Variants in WDR64 observed in about 807,000 individuals in gnomAD.
WDR64 encodes the protein WD repeat domain 64.
A neutral mutation model predicts 139.3 loss-of-function variants in WDR64; 112 were observed. That is an observed-to-expected ratio of 0.80 (90% CI 0.69 to 0.94). The LOEUF is 0.94. Among genes scored for constraint, WDR64 ranks in the 40% least tolerant of loss-of-function variants. WDR64 has a pLI of 0.00. For synonymous variants in WDR64, 444 were observed against 437.7 expected, an observed-to-expected ratio of 1.01 and a Z score of -0.18; for missense variants, 1,206 against 1,293.1, an observed-to-expected ratio of 0.93 and a Z score of 1.03.
chr1:241,738,266 A>G (rs1669399517), intron 10 of WDR64, 97 bp from the exon 11 acceptor site: 10 of 1,432,292 alleles, frequency 7.0e-6, no homozygotes, highest in South Asian at 1.4e-5. Flanking sequence ...GTATAAGTTT[A>G]TAAGAGTGTA....
At chr1:241,683,371 A>G (rs908336687) in intron 6 of WDR64, 116 bp from the exon 7 acceptor site, 2 of 889,442 alleles carry the variant, frequency 2.2e-6, no homozygotes. Flanking sequence ...ATCTTATAAG[A>G]TAGGTGTATC....
At chr1:241,759,967 T>C (rs150560289) in intron 15 of WDR64, among the ~76,000 whole-genome samples, 1 of 152,328 alleles carries the variant, frequency 6.6e-6, no homozygotes, top group East Asian at 1.9e-4. Context: ...CAGAAACATA[T>C]GGTATTTCTC....
chr1:241,771,793 C>A (rs1213624015), intron 19 of WDR64, 96 bp downstream of exon 19: 7 of 612,274 alleles, frequency 1.1e-5, no homozygotes, highest in Non-Finnish European at 1.4e-5. Context: ...ATATATATTC[C>A]TTAATATATA....
At chr1:241,698,100 T>G (rs1402959819) in intron 8 of WDR64, among the ~76,000 whole-genome samples, 1 of 152,204 alleles carries the variant, frequency 6.6e-6, no homozygotes, top group Non-Finnish European at 1.5e-5. Flanking sequence ...TTCTTCTTGC[T>G]CAATATCTGC....
At chr1:241,737,056 T>A (rs1669356390) in intron 10 of WDR64, among the ~76,000 whole-genome samples, 1 of 152,244 alleles carries the variant, frequency 6.6e-6, no homozygotes, top group Non-Finnish European at 1.5e-5. Flanking sequence ...TTTGTGTCTC[T>A]TCCTCTACTT....
At chr1:241,795,631 C>T (rs1482853885) in intron 26 of WDR64, among the ~76,000 whole-genome samples, 2 of 152,142 alleles carry the variant, frequency 1.3e-5, no homozygotes, top group Non-Finnish European at 2.9e-5. Flanking sequence ...TATATTCCAA[C>T]CACATGAAAT....
chr1:241,699,408 A>G (rs751390144), intron 8 of WDR64, among the ~76,000 whole-genome samples: 4 of 152,182 alleles, frequency 2.6e-5, no homozygotes, highest in Non-Finnish European at 5.9e-5. Flanking sequence ...AATTTAAGAC[A>G]CTGTACTAGG....
chr1:241,715,146 A>G (rs1668353882), intron 9 of WDR64, among the ~76,000 whole-genome samples: 1 of 152,182 alleles, frequency 6.6e-6, no homozygotes, highest in African/African-American at 2.4e-5. Flanking sequence ...AGTGTGTGGG[A>G]GTCATGGCTT....
intron 1 of WDR64, among the ~76,000 whole-genome samples, chr1:241,655,700 C>CTTTTCT (rs564002147): frequency 0.38 from 16,034 of 41,914 alleles, 1,823 homozygotes; most frequent in African/African-American, 0.49. Flanking sequence ...GCCTTTTTTT[C>CTTTTCT]TTTTCTTTTT....
At chr1:241,745,062 G>A (rs6429299) in intron 13 of WDR64, among the ~76,000 whole-genome samples, 22,637 of 152,064 alleles carry the variant, frequency 0.15, 1,875 homozygotes, top group African/African-American at 0.19. Context: ...TGTGCCTTAC[G>A]CTATGGAGCA....
intron 23 of WDR64, among the ~76,000 whole-genome samples, chr1:241,785,645 C>T (rs1659010994): frequency 6.6e-6 from 1 of 152,190 alleles, no homozygotes; most frequent in African/African-American, 2.4e-5. Flanking sequence ...GTTCAAAGTG[C>T]TTACATCTAT....
At chr1:241,788,340 C>T (rs1659115073) in intron 24 of WDR64, among the ~76,000 whole-genome samples, 1 of 152,162 alleles carries the variant, frequency 6.6e-6, no homozygotes, top group South Asian at 2.1e-4. Context: ...GGATAGAGTA[C>T]AGAATGTGAG....
At chr1:241,731,412 T>C (rs760264828) in intron 10 of WDR64, among the ~76,000 whole-genome samples, 1 of 152,204 alleles carries the variant, frequency 6.6e-6, no homozygotes, top group Non-Finnish European at 1.5e-5. Context: ...GCTCTTTATA[T>C]GTATGAACTC....
At chr1:241,777,624 G>A (rs1658705530) in intron 21 of WDR64, among the ~76,000 whole-genome samples, 1 of 151,734 alleles carries the variant, frequency 6.6e-6, no homozygotes, top group Non-Finnish European at 1.5e-5. Flanking sequence ...CACCATGTTG[G>A]CCAGGCTGGT....
chr1:241,734,304 C>G (rs937415699), intron 10 of WDR64, among the ~76,000 whole-genome samples: 2 of 152,076 alleles, frequency 1.3e-5, no homozygotes, highest in African/African-American at 4.8e-5. Flanking sequence ...TGTGCCCCGA[C>G]CACCTTGGGT....
At chr1:241,713,435 GGGAAGGAAAGAAA>G (rs1207417639) in intron 9 of WDR64, among the ~76,000 whole-genome samples, 3 of 137,180 alleles carry the variant, frequency 2.2e-5, no homozygotes, top group African/African-American at 8.3e-5. Flanking sequence ...AAGGAAGGAA[GGGAAGGAAAGAAA>G]GGAAGGAAAG....
intron 8 of WDR64, among the ~76,000 whole-genome samples, chr1:241,706,995 G>A (rs763298168): frequency 2.6e-5 from 4 of 151,952 alleles, no homozygotes; most frequent in Admixed American, 6.6e-5. Context: ...CTTTCCTGTT[G>A]TGCATGTTGG....
Position 241,801,708 on chromosome 1 carries a change from A to C in WDR64, c.*493A>C. The C allele has an allele frequency of 2.5e-6, 1 of 398,670 alleles. No homozygotes were observed. Among genetic ancestry groups the C allele is most frequent in the East Asian group, 3.6e-5 (1 of 28,052 alleles). 24.7% of individuals were successfully genotyped at this position (398,670 alleles called of 1,614,324 possible). On this transcript the variant is annotated 3_prime_UTR_variant, in exon 28 of 28. Coordinates refer to ENST00000437684, the MANE Select transcript of WDR64 (RefSeq NM_001367482.1). ...TTAGAGAAATATTATCTGGAAGAAAATGTCCTAAGTTTCTCAAAGTCAGAA... is the reference window on the plus strand; with the variant it reads ...TTAGAGAAATATTATCTGGAAGAAACTGTCCTAAGTTTCTCAAAGTCAGAA...
At chr1:241,751,080 T>C in intron 14 of WDR64, among the ~76,000 whole-genome samples, 1 of 152,220 alleles carries the variant, frequency 6.6e-6, no homozygotes, top group East Asian at 1.9e-4. Context: ...CTTTCATTCA[T>C]TCATTTTTTT....
Sources: gnomAD v4.1 joint callset for allele counts (sites outside exome capture counted in the v4.1 genomes callset) on GRCh38, gnomAD v4.1.1 for gene constraint, MANE v1.5 for transcripts, NCBI Gene and HGNC (gene_info 2026-07-23, HGNC 2026-07-21) for gene names.